Variants in KLHDC4 observed in about 807,000 individuals in gnomAD.
KLHDC4 encodes the protein kelch domain containing 4.
In KLHDC4, 90 loss-of-function variants were observed where a neutral mutation model predicts 62.4. The ratio of observed to expected loss-of-function variants is 1.44; its 90% CI spans 1.22 to 1.72. The LOEUF is 1.72. Ranked by LOEUF, KLHDC4 falls within the 40% of genes most tolerant of loss-of-function variation. The pLI, the probability that KLHDC4 is intolerant of heterozygous loss-of-function variation, is 0.00. For synonymous variants in KLHDC4, 386 were observed against 284.4 expected, an observed-to-expected ratio of 1.36 and a Z score of -3.59; for missense variants, 1,025 against 699.7, an observed-to-expected ratio of 1.47 and a Z score of -5.25.
At chr16:87,723,062 G>C (rs1446707654) in intron 7 of KLHDC4, among the ~76,000 whole-genome samples, 1 of 152,234 alleles carries the variant, frequency 6.6e-6, no homozygotes. Flanking sequence ...TGGCGGGTGA[G>C]GGTGTAATGG....
intron 4 of KLHDC4, among the ~76,000 whole-genome samples, chr16:87,754,870 C>T (rs1431134147): frequency 6.6e-6 from 1 of 152,198 alleles, no homozygotes; most frequent in Non-Finnish European, 1.5e-5. Flanking sequence ...ATCCAGTTCT[C>T]CTGTCTTCAC....
chr16:87,761,828 G>C, intron 2 of KLHDC4, 121 bp downstream of exon 2: 1 of 968,138 alleles, frequency 1.0e-6, no homozygotes, highest in South Asian at 1.4e-5. Context: ...CCAAGAACAG[G>C]TTTTAATAAT....
intron 4 of KLHDC4, among the ~76,000 whole-genome samples, chr16:87,752,617 G>A (rs576977285): frequency 1.1e-4 from 16 of 152,216 alleles, no homozygotes; most frequent in African/African-American, 3.6e-4. Context: ...TTACAGGCAT[G>A]AGCCACCATG....
At chr16:87,716,614 T>C (rs1254939353) in intron 7 of KLHDC4, among the ~76,000 whole-genome samples, 1 of 152,120 alleles carries the variant, frequency 6.6e-6, no homozygotes, top group Non-Finnish European at 1.5e-5. Context: ...TGGTTCCCTT[T>C]GTTGGAGAAT....
intron 5 of KLHDC4, among the ~76,000 whole-genome samples, chr16:87,734,884 C>G (rs971502981): frequency 5.3e-5 from 8 of 152,112 alleles, no homozygotes; most frequent in African/African-American, 1.9e-4. Flanking sequence ...AAGAAAACCC[C>G]ACACATGCGG....
At chr16:87,717,687 A>C (rs1175131988) in intron 7 of KLHDC4, among the ~76,000 whole-genome samples, 1 of 152,244 alleles carries the variant, frequency 6.6e-6, no homozygotes, top group Non-Finnish European at 1.5e-5. Flanking sequence ...TCCAAACCTA[A>C]GGGCCTAGCA....
intron 5 of KLHDC4, among the ~76,000 whole-genome samples, chr16:87,745,057 T>A (rs1243751225): frequency 2.6e-5 from 4 of 152,256 alleles, no homozygotes; most frequent in African/African-American, 4.8e-5. Flanking sequence ...GTTTTTTGTA[T>A]ATATTTTTGT....
intron 5 of KLHDC4, among the ~76,000 whole-genome samples, chr16:87,744,378 G>A (rs1297392835): frequency 1.3e-5 from 2 of 150,634 alleles, no homozygotes; most frequent in African/African-American, 4.9e-5. Context: ...TCCCGCCACT[G>A]CACTCCAGCC....
At chr16:87,736,418 AAGG>A (rs1226069330) in intron 5 of KLHDC4, among the ~76,000 whole-genome samples, 1 of 152,184 alleles carries the variant, frequency 6.6e-6, no homozygotes, top group Non-Finnish European at 1.5e-5. Context: ...CTGCTGAGCA[AAGG>A]AGCAATTCCT....
At chr16:87,713,667 G>C (rs1226454055) in intron 8 of KLHDC4, among the ~76,000 whole-genome samples, 1 of 152,106 alleles carries the variant, frequency 6.6e-6, no homozygotes, top group Non-Finnish European at 1.5e-5. Flanking sequence ...GTTCATCTCA[G>C]CACATGACCC....
At chr16:87,730,528 G>A (rs372472962) in intron 6 of KLHDC4, 24 bp downstream of exon 6, 69 of 1,584,198 alleles carry the variant, frequency 4.4e-5, no homozygotes, top group African/African-American at 3.5e-4. Context: ...AGGAGAGAAA[G>A]ATTTTTCCGT....
intron 5 of KLHDC4, 123 bp downstream of exon 5, chr16:87,748,550 C>A: frequency 1.6e-6 from 2 of 1,276,832 alleles, no homozygotes; most frequent in Non-Finnish European, 2.2e-6. Context: ...AGGCTGGGCT[C>A]CAGGACTGTG....
intron 5 of KLHDC4, among the ~76,000 whole-genome samples, chr16:87,744,325 G>A (rs1053878921): frequency 2.0e-5 from 3 of 151,750 alleles, no homozygotes; most frequent in African/African-American, 7.3e-5. Context: ...TGAGGCAGGA[G>A]AATTGCTTGA....
chr16:87,707,249 G>A (rs2034847128), downstream of KLHDC4, among the ~76,000 whole-genome samples: 1 of 152,246 alleles, frequency 6.6e-6, no homozygotes, highest in Non-Finnish European at 1.5e-5. Context: ...AAGCCAGGAG[G>A]AGCTGGATGG....
chr16:87,764,501 T>G (rs1163991933), intron 1 of KLHDC4, among the ~76,000 whole-genome samples: 1 of 151,284 alleles, frequency 6.6e-6, no homozygotes, highest in African/African-American at 2.4e-5. Flanking sequence ...AATACAAAAT[T>G]AGCTGGGTGT....
At chr16:87,763,160 TAA>T (rs1041031749) in intron 1 of KLHDC4, among the ~76,000 whole-genome samples, 1 of 152,200 alleles carries the variant, frequency 6.6e-6, no homozygotes, top group Non-Finnish European at 1.5e-5. Flanking sequence ...GGGTAAGGAA[TAA>T]AGTGTCACCC....
Position 87,755,114 on chromosome 16 carries a change from T to C in KLHDC4, c.369+80A>G, listed in dbSNP as rs1407559434. Reference sequence around the variant, plus strand: ...CCAGCCCCTCCGCACCAGCTGCCTGTCACCTATCAACTCTCCGTGTGTCTA... The same window carrying C: ...CCAGCCCCTCCGCACCAGCTGCCTGCCACCTATCAACTCTCCGTGTGTCTA... On this transcript the variant is annotated intron_variant, in intron 4 of 11. Transcript: ENST00000270583. 3.2e-6 allele frequency: 3 copies of C among 945,130 alleles called. No homozygotes were observed. The African/African-American group carries it at 4.9e-5, about 15-fold the overall frequency. 58.5% of individuals were successfully genotyped at this position (945,130 alleles called of 1,614,324 possible). A position where few individuals can be genotyped will look rare whatever the true frequency, so the allele number is the denominator to read the frequency against.
chr16:87,699,019 G>C (rs559409508), exon 1 of KLHDC4: 1 of 152,286 alleles, frequency 6.6e-6, no homozygotes, highest in African/African-American at 2.4e-5. Flanking sequence ...GCGGTCTGCG[G>C]GGGGTGGGTG....
At chr16:87,741,321 C>G (rs1211593293) in intron 5 of KLHDC4, among the ~76,000 whole-genome samples, 1 of 152,214 alleles carries the variant, frequency 6.6e-6, no homozygotes, top group African/African-American at 2.4e-5. Flanking sequence ...GTTGGAGGTC[C>G]ATGGCCTGTT....
Sources: gnomAD v4.1 joint callset for allele counts (sites outside exome capture counted in the v4.1 genomes callset) on GRCh38, gnomAD v4.1.1 for gene constraint, MANE v1.5 for transcripts, NCBI Gene and HGNC (gene_info 2026-07-23, HGNC 2026-07-21) for gene names.